Variants in CHD5 observed in about 807,000 individuals in gnomAD.
The protein encoded by CHD5 is chromodomain helicase DNA binding protein 5.
In CHD5, 69 loss-of-function variants were observed where a neutral mutation model predicts 230.3. The observed-to-expected ratio is 0.30, with a 90% confidence interval of 0.25 to 0.37. The LOEUF (loss-of-function observed/expected upper bound fraction) is 0.37, where lower values mean the gene tolerates loss of function less well. Among genes scored for constraint, CHD5 ranks in the 10% least tolerant of loss-of-function variants. The pLI is 1.00. For synonymous variants in CHD5, 1,064 were observed against 1,065.9 expected (o/e 1.00, Z 0.03); for missense variants, 1,827 against 2,622.8 (o/e 0.70, Z 6.63).
chr1:6,137,518 G>A (rs1272531737), intron 15 of CHD5, among the ~76,000 whole-genome samples: 2 of 151,996 alleles, frequency 1.3e-5, no homozygotes, highest in Non-Finnish European at 2.9e-5. Flanking sequence ...TTGTCTTTTG[G>A]AGAGAGATCT....
rs1174572628 is a variant in CHD5, at chr1:6,121,942, T to C, written c.4700-369A>G. Among the ~76,000 whole-genome samples, 2 of 152,200 alleles carry C rather than the reference T, an allele frequency of 1.3e-5. No individual in the cohort carries two copies. The highest frequency in any genetic ancestry group is 2.4e-5 in the African/African-American group (1 of 41,456). On this transcript the variant is annotated intron_variant, in intron 31 of 41. Transcript: ENST00000262450. The surrounding 1 kb of genome is among the most constrained non-coding windows in gnomAD (Gnocchi z 4.5). ...GGGCGGGCTGGCTGGTGTGTGCCTC[T>C]GGACAGGGGGTGAATTTCCTCCCTG...
intron 1 of CHD5, among the ~76,000 whole-genome samples, chr1:6,175,166 C>T (rs1370164256): frequency 8.8e-5 from 9 of 102,544 alleles, no homozygotes; most frequent in East Asian, 3.4e-4. Flanking sequence ...GGATGGTGGG[C>T]GGATGGTGGG....
chr1:6,129,139 T>G lies in CHD5; in HGVS notation c.3388-70A>C, dbSNP rs1666612190. 9.3e-7 allele frequency: 1 copy of G among 1,074,512 alleles called. No homozygotes were observed. Among genetic ancestry groups the G allele is most frequent in the African/African-American group, 1.5e-5 (1 of 65,060 alleles). The allele number at this position is 1,074,512 out of a possible 1,614,324, so 66.6% of individuals were successfully genotyped here. On this transcript the variant is annotated intron_variant, in intron 22 of 41. Coordinates refer to ENST00000262450, the MANE Select transcript of CHD5 (RefSeq NM_015557.3). The surrounding 1 kb of genome is among the most constrained non-coding windows in gnomAD (Gnocchi z 6.8). ...CAGGCAATGGAGGAGATCACACCCA[T>G]GAGCTCAAGAGCATGGAATGGGCTG...
intron 41 of CHD5, 106 bp downstream of exon 41, chr1:6,106,128 G>T: frequency 1.9e-6 from 2 of 1,060,928 alleles, no homozygotes; most frequent in South Asian, 2.9e-5. Context: ...AAAAGCTCCA[G>T]GACTTAGGGA....
chr1:6,125,945 G>C lies in CHD5; in HGVS notation c.4079-87C>G. ...TCAAGCATGCCCAGGGCCACGCCGA[G>C]CCCCTGCACCCCAGCTCCATAAAAA... On this transcript the variant is annotated intron_variant, in intron 26 of 41. Transcript: ENST00000262450. This position sits in a 1 kb window ranked among gnomAD's most constrained non-coding sequence, Gnocchi z 6.7. 1.1e-6 allele frequency: 1 copy of C among 936,214 alleles called. No homozygotes were observed. Among genetic ancestry groups the C allele is most frequent in the Non-Finnish European group, 1.7e-6 (1 of 585,058 alleles). The allele number at this position is 936,214 out of a possible 1,614,324, so 58.0% of individuals were successfully genotyped here.
At chr1:6,124,433 T>G in intron 30 of CHD5, 84 bp downstream of exon 30, 1 of 1,490,282 alleles carries the variant, frequency 6.7e-7, no homozygotes, top group Non-Finnish European at 9.4e-7. Context: ...CAGGCACTTG[T>G]TCTCTGACCA....
rs775870386 is a variant in CHD5 at position 6,128,174 on chromosome 1, C to T, written c.3775G>A (p.Asp1259Asn). ...TCCAGCAGCTTGGAGATGGCCGCAT[C>T]GTCATAGTGGATCACACTGCTGTCC... is the stretch of plus-strand genomic sequence containing the variant. ...VEDSSVIHYD[D>N]AAISKLLDRN... Residue 1259 changes from aspartate (D) to asparagine (N), a missense_variant, in exon 25 of 42, where the codon GAT becomes AAT. Physicochemically the swap from Asp to Asn is conservative, Grantham distance 23. Coordinates refer to ENST00000262450, the MANE Select transcript of CHD5 (RefSeq NM_015557.3). The surrounding 1 kb of genome is among the most constrained non-coding windows in gnomAD (Gnocchi z 7.8). 2 of 1,614,046 alleles carry T rather than the reference C, an allele frequency of 1.2e-6. No individual in the cohort carries two copies. The highest frequency in any genetic ancestry group is 1.3e-5 in the African/African-American group (1 of 74,932).
chr1:6,124,728 G>T, intron 29 of CHD5, 67 bp from the exon 30 acceptor site: 2 of 1,004,838 alleles, frequency 2.0e-6, no homozygotes, highest in Non-Finnish European at 1.5e-6. Flanking sequence ...TGAGAGGGCT[G>T]GCAGGACCCC....
At chr1:6,116,964 G>A (rs532489543) in intron 33 of CHD5, among the ~76,000 whole-genome samples, 14 of 152,200 alleles carry the variant, frequency 9.2e-5, no homozygotes, top group Non-Finnish European at 1.8e-4. Context: ...CAACAGCATC[G>A]TGGCAGATGA....
chr1:6,151,802 G>A (rs1245721530), intron 6 of CHD5, among the ~76,000 whole-genome samples: 1 of 152,178 alleles, frequency 6.6e-6, no homozygotes, highest in East Asian at 1.9e-4. Context: ...CCACCGCAGG[G>A]CTGGGGTGAG....
chr1:6,128,981 G>A lies in CHD5; in HGVS notation c.3476C>T (p.Thr1159Met), dbSNP rs1304235291. 2.5e-6 allele frequency: 4 copies of A among 1,612,496 alleles called. No individual in the cohort carries two copies. The highest frequency in any genetic ancestry group is 3.4e-6 in the Non-Finnish European group (4 of 1,179,966). ...CATCATCTTGCGCTTGGCCACCTGC[G>A]TGATGCGCTCCTCCACCGAGGCCCG... ...VTRASVEERI[T>M]QVAKRKMMLT... The change falls in exon 23 of 42, where the codon ACG (threonine) becomes ATG (methionine). Residue 1159 changes from threonine to methionine, a missense_variant. Coordinates refer to ENST00000262450, the MANE Select transcript of CHD5 (RefSeq NM_015557.3). The surrounding 1 kb of genome is among the most constrained non-coding windows in gnomAD (Gnocchi z 7.8).
chr1:6,122,478 G>A (rs934010305), intron 31 of CHD5, among the ~76,000 whole-genome samples: 5 of 152,172 alleles, frequency 3.3e-5, no homozygotes, highest in African/African-American at 1.2e-4. Context: ...AACCATGAAG[G>A]CAGAGAACAA....
intron 38 of CHD5, among the ~76,000 whole-genome samples, chr1:6,108,467 G>A (rs574515325): frequency 6.8e-6 from 1 of 147,184 alleles, no homozygotes; most frequent in African/African-American, 2.5e-5. Flanking sequence ...GGGGTGGAAG[G>A]ATGGAGGGAG....
In CHD5 at chr1:6,142,403, C is replaced by T. The variant is rs367574235; in HGVS notation, c.2235+11G>A. The T allele has an allele frequency of 1.6e-4, 250 of 1,600,334 alleles. No homozygotes were observed. The highest frequency in any genetic ancestry group is 3.7e-4 in the South Asian group (33 of 90,284). Reference sequence around the variant, plus strand: ...AGCCACCCCTCCTGGCCGCCTGCCCCGCCTGCCCACCTCCTTGTAGAGGGA... The same window carrying T: ...AGCCACCCCTCCTGGCCGCCTGCCCTGCCTGCCCACCTCCTTGTAGAGGGA... On this transcript the variant is annotated intron_variant, in intron 14 of 41. Coordinates refer to ENST00000262450, the MANE Select transcript of CHD5 (RefSeq NM_015557.3). The surrounding 1 kb of genome is among the most constrained non-coding windows in gnomAD (Gnocchi z 5.2).
Position 6,146,781 on chromosome 1 carries a change from C to G in CHD5, c.1474G>C (p.Asp492His), listed in dbSNP as rs1261270270. 9.4e-6 allele frequency: 15 copies of G among 1,597,936 alleles called. No individual in the cohort carries two copies. Among genetic ancestry groups the G allele is most frequent in the Non-Finnish European group, 1.2e-5 (14 of 1,171,062 alleles). Reference protein sequence around the residue: ...APFMVGLPGPDVEPSLPPPKP... With the variant: ...APFMVGLPGPHVEPSLPPPKP... ...GGTGGAGGGAGGCTGGGCTCCACGT[C>G]AGGCCCCGGCAGCCCCACCATGAAG... Residue 492 changes from aspartate (D) to histidine (H), a missense_variant, in exon 10 of 42, where the codon GAC becomes CAC. Asp to His is a moderately conservative substitution (Grantham distance 81, BLOSUM62 -1). Around this residue, in one of 14 missense-constraint regions of CHD5, gnomAD observed 657 missense variants for 816.4 expected, o/e 0.80. Transcript: ENST00000262450. This position sits in a 1 kb window ranked among gnomAD's most constrained non-coding sequence, Gnocchi z 5.1.
At chr1:6,160,682 C>T (rs1667162673) in intron 2 of CHD5, among the ~76,000 whole-genome samples, 2 of 152,284 alleles carry the variant, frequency 1.3e-5, no homozygotes, top group South Asian at 4.1e-4. Context: ...ATGGCACAAG[C>T]CCACCTTCCC....
Position 6,148,969 on chromosome 1 carries a change from T to C in CHD5, c.1268A>G (p.Lys423Arg), listed in dbSNP as rs1314998243. 8 of 1,607,512 alleles carry C rather than the reference T, an allele frequency of 5.0e-6. No homozygotes were observed. The highest frequency in any genetic ancestry group is 6.8e-6 in the Non-Finnish European group (8 of 1,177,244). The change falls in exon 9 of 42, where the codon AAG (lysine) becomes AGG (arginine). Residue 423 changes from lysine (K) to arginine (R), a missense_variant. Lys to Arg is a conservative substitution (Grantham distance 26, BLOSUM62 2). Transcript: ENST00000262450. Reference sequence around the variant, plus strand: ...GCAGCAGAGCAGCTCGCCCCCGTCCTTGCACACGCGGCAGAACTCCATGTG... The same window carrying C: ...GCAGCAGAGCAGCTCGCCCCCGTCCCTGCACACGCGGCAGAACTCCATGTG... ...DDHMEFCRVC[K>R]DGGELLCCDA... is the part of the protein sequence containing the mutation.
At position 6,121,718 on chromosome 1, in the gene CHD5, G is replaced by A. The variant is rs1032599939; in HGVS notation, c.4700-145C>T. On this transcript the variant is annotated intron_variant, in intron 31 of 41. Coordinates refer to ENST00000262450, the MANE Select transcript of CHD5 (RefSeq NM_015557.3). The surrounding 1 kb of genome is among the most constrained non-coding windows in gnomAD (Gnocchi z 4.5). ...AAGCACCTCCAGGAGAGACAAGCAGGATCCCCGGCTAAGTCAGAGAGGCCA... is the reference window on the plus strand; with the variant it reads ...AAGCACCTCCAGGAGAGACAAGCAGAATCCCCGGCTAAGTCAGAGAGGCCA... 3.2e-6 allele frequency: 2 copies of A among 616,412 alleles called. No individual in the cohort carries two copies. Among genetic ancestry groups the A allele is most frequent in the African/African-American group, 3.7e-5 (2 of 53,904 alleles). The allele number at this position is 616,412 out of a possible 1,614,324, so 38.2% of individuals were successfully genotyped here.
At chr1:6,172,015 G>A (rs1667346025) in intron 1 of CHD5, among the ~76,000 whole-genome samples, 1 of 152,210 alleles carries the variant, frequency 6.6e-6, no homozygotes, top group Admixed American at 6.5e-5. Context: ...GCGGGGTGGG[G>A]CTCAAGTCGA....
Sources: allele counts gnomAD v4.1 joint callset (sites outside exome capture counted in the v4.1 genomes callset), GRCh38; gene constraint gnomAD v4.1.1; regional missense constraint gnomAD v4.1.1; non-coding constraint Gnocchi (gnomAD v3.1); transcripts MANE v1.5; gene names NCBI Gene and HGNC (gene_info 2026-07-23, HGNC 2026-07-21).